The following THEMIS variants were observed in gnomAD, a reference collection of about 807,000 sequenced individuals.
THEMIS encodes the protein thymocyte selection associated.
A neutral mutation model predicts 52.6 loss-of-function variants in THEMIS; 37 were observed. That is an observed-to-expected ratio of 0.70 (90% confidence interval 0.54 to 0.93). The LOEUF (loss-of-function observed/expected upper bound fraction) is 0.93. Among genes scored for constraint, THEMIS ranks in the 40% least tolerant of loss-of-function variants. The pLI, the probability that THEMIS is intolerant of heterozygous loss-of-function variation, is 0.00. For missense variants in THEMIS, 808 were observed against 763.1 expected (o/e 1.06, Z -0.69); for synonymous variants, 292 against 272.7 (o/e 1.07, Z -0.70).
At chr6:127,915,995 T>C (rs1289069302) in intron 1 of THEMIS, among the ~76,000 whole-genome samples, 4 of 151,900 alleles carry the variant, frequency 2.6e-5, no homozygotes, top group Non-Finnish European at 5.9e-5. Context: ...TCAAAACTAA[T>C]AATAAAAGAA....
chr6:127,789,368 T>G (rs2114517349), intron 4 of THEMIS, among the ~76,000 whole-genome samples: 1 of 152,250 alleles, frequency 6.6e-6, no homozygotes, highest in East Asian at 1.9e-4. Flanking sequence ...GGTTCTGAAA[T>G]TAAGGCAGTA....
chr6:127,914,372 G>A (rs930167815), intron 1 of THEMIS, among the ~76,000 whole-genome samples: 1 of 152,100 alleles, frequency 6.6e-6, no homozygotes, highest in South Asian at 2.1e-4. Flanking sequence ...CCTAAGGGAC[G>A]ATTTCATTAT....
intron 1 of THEMIS, among the ~76,000 whole-genome samples, chr6:127,917,845 T>A (rs1166104217): frequency 6.6e-6 from 1 of 152,232 alleles, no homozygotes; most frequent in African/African-American, 2.4e-5. Flanking sequence ...GAGGAAGCTG[T>A]TACTTTCCCT....
At chr6:127,844,156 G>A (rs1779139085) in intron 2 of THEMIS, among the ~76,000 whole-genome samples, 1 of 151,998 alleles carries the variant, frequency 6.6e-6, no homozygotes. Flanking sequence ...ATTGGACAGT[G>A]CTAGGGCAGA....
chr6:127,724,678 A>G (rs1001369249), intron 4 of THEMIS, among the ~76,000 whole-genome samples: 59 of 152,194 alleles, frequency 3.9e-4, no homozygotes, highest in African/African-American at 1.3e-3. Flanking sequence ...GCTAATTTGA[A>G]ATGACTATTA....
intron 4 of THEMIS, among the ~76,000 whole-genome samples, chr6:127,756,112 A>G (rs1197080886): frequency 3.9e-5 from 6 of 152,138 alleles, no homozygotes; most frequent in Admixed American, 3.9e-4. Flanking sequence ...ACACTGTTTA[A>G]TTTTCTAAAA....
At chr6:127,703,914 T>A (rs1156502565), downstream of THEMIS, among the ~76,000 whole-genome samples, 1 of 152,138 alleles carries the variant, frequency 6.6e-6, no homozygotes, top group African/African-American at 2.4e-5. Flanking sequence ...AAGATCAAGG[T>A]ACCAGAAGAT....
At chr6:127,742,618 A>T (rs1775247531) in intron 4 of THEMIS, among the ~76,000 whole-genome samples, 1 of 152,174 alleles carries the variant, frequency 6.6e-6, no homozygotes, top group African/African-American at 2.4e-5. Flanking sequence ...CACATGCTAC[A>T]ACATGAATGA....
chr6:127,807,848 A>G (rs1777770814), intron 4 of THEMIS, among the ~76,000 whole-genome samples: 1 of 152,210 alleles, frequency 6.6e-6, no homozygotes, highest in South Asian at 2.1e-4. Flanking sequence ...TTTCTCTAAC[A>G]CATTTCAGCC....
chr6:127,863,586 C>A (rs1779877377), intron 1 of THEMIS, among the ~76,000 whole-genome samples: 1 of 152,130 alleles, frequency 6.6e-6, no homozygotes, highest in South Asian at 2.1e-4. Context: ...ACAAAGCTGT[C>A]AAACAATTGG....
chr6:127,884,771 A>T (rs1341658966), intron 1 of THEMIS, among the ~76,000 whole-genome samples: 1 of 152,190 alleles, frequency 6.6e-6, no homozygotes, highest in Non-Finnish European at 1.5e-5. Context: ...ATAATTCTGT[A>T]GACCAGAAGT....
chr6:127,726,272 T>C (rs966997485), intron 4 of THEMIS, among the ~76,000 whole-genome samples: 3 of 152,126 alleles, frequency 2.0e-5, no homozygotes, highest in Admixed American at 6.6e-5. Flanking sequence ...AGTAGCCCTA[T>C]GGAAAAGAAA....
At chr6:127,853,960 A>G (rs1202270790) in intron 2 of THEMIS, among the ~76,000 whole-genome samples, 1 of 151,666 alleles carries the variant, frequency 6.6e-6, no homozygotes, top group Non-Finnish European at 1.5e-5. Flanking sequence ...TTCAAGCCCC[A>G]CAAAGAACAC....
chr6:127,852,260 T>G (rs1241313778), intron 2 of THEMIS, among the ~76,000 whole-genome samples: 1 of 151,432 alleles, frequency 6.6e-6, no homozygotes, highest in African/African-American at 2.4e-5. Context: ...CTGACAGAAT[T>G]GAAGGGAAAA....
intron 4 of THEMIS, among the ~76,000 whole-genome samples, chr6:127,724,580 T>C (rs17054975): frequency 0.12 from 18,498 of 152,182 alleles, 1,139 homozygotes; most frequent in Middle Eastern, 0.14. Context: ...GACCACGCTG[T>C]AGTCGTACTT....
intron 4 of THEMIS, among the ~76,000 whole-genome samples, chr6:127,755,507 G>T (rs1035434123): frequency 3.3e-5 from 5 of 152,010 alleles, no homozygotes; most frequent in Non-Finnish European, 7.4e-5. Flanking sequence ...CATTTTTAAA[G>T]ATTTTTTTTA....
chr6:127,879,670 T>C (rs1356103139), intron 1 of THEMIS, among the ~76,000 whole-genome samples: 1 of 151,326 alleles, frequency 6.6e-6, no homozygotes, highest in East Asian at 1.9e-4. Flanking sequence ...ATATTGCTTT[T>C]TTAAAAAATG....
At chr6:127,810,499 C>A (rs981446948) in intron 4 of THEMIS, among the ~76,000 whole-genome samples, 1 of 152,024 alleles carries the variant, frequency 6.6e-6, no homozygotes, top group African/African-American at 2.4e-5. Context: ...GGAAAGAGTT[C>A]CCCCACTTCT....
At position 127,910,483 on chromosome 6, in the gene THEMIS, C is replaced by T. The variant is rs898363048; in HGVS notation, c.-150+7945G>A. 4.6e-5 allele frequency among the ~76,000 whole-genome samples: 7 copies of T among 152,198 alleles called. No homozygotes were observed. The East Asian group carries it at 1.4e-3, about 29-fold the overall frequency. On this transcript the variant is annotated intron_variant, in intron 1 of 6. Coordinates refer to the THEMIS transcript ENST00000368250. ...GTAATTGAATATTTTTATCCATTCC[C>T]ACAACGTTATTTCCAGAATAAAGCT...
Sources: allele counts gnomAD v4.1 joint callset (sites outside exome capture counted in the v4.1 genomes callset), GRCh38; gene constraint gnomAD v4.1.1; transcripts MANE v1.5; gene names NCBI Gene and HGNC (gene_info 2026-07-23, HGNC 2026-07-21).